MEF2C: variants seen among roughly 807,000 people sequenced by gnomAD.
The protein encoded by MEF2C is myocyte-specific enhancer factor 2C.
A neutral mutation model predicts 50.5 loss-of-function variants in MEF2C; 6 were observed. That is an observed-to-expected ratio of 0.12 (90% CI 0.07 to 0.23). The LOEUF (loss-of-function observed/expected upper bound fraction) is 0.23, where lower values mean the gene tolerates loss of function less well. MEF2C is among the 10% of genes least tolerant of loss of function. The pLI is 1.00. For missense variants in MEF2C, 276 were observed against 605.0 expected (o/e 0.46, Z 5.70); for synonymous variants, 183 against 228.0 (o/e 0.80, Z 1.78).
intron 5 of MEF2C, among the ~76,000 whole-genome samples, chr5:88,751,648 G>T (rs1772784400): frequency 6.6e-6 from 1 of 152,026 alleles, no homozygotes; most frequent in Admixed American, 6.6e-5. Flanking sequence ...GAATGAAAAA[G>T]ATAAACGGCA....
At chr5:88,822,318 C>G (rs1269004601) in intron 2 of MEF2C, among the ~76,000 whole-genome samples, 1 of 151,876 alleles carries the variant, frequency 6.6e-6, no homozygotes, top group African/African-American at 2.4e-5. Context: ...ATATTTCAGT[C>G]TTAATTTCAA....
intron 3 of MEF2C, chr5:88,772,440 C>T (rs936707788): frequency 6.6e-6 from 1 of 152,418 alleles, no homozygotes; most frequent in African/African-American, 2.4e-5. Context: ...GACCCTGGCC[C>T]ACTTTTCTCC....
intron 1 of MEF2C, 173 bp from the exon 2 acceptor site, chr5:88,824,103 G>C: frequency 1.1e-6 from 1 of 870,012 alleles, no homozygotes; most frequent in Non-Finnish European, 1.4e-6. Context: ...AGCAGATCAA[G>C]TAGTTTTATT....
At chr5:88,797,382 C>T (rs941090705) in intron 3 of MEF2C, among the ~76,000 whole-genome samples, 1 of 151,176 alleles carries the variant, frequency 6.6e-6, no homozygotes, top group Non-Finnish European at 1.5e-5. Context: ...TTATGTAATG[C>T]CCTTCTTGAG....
At chr5:88,777,904 T>C (rs897928410) in intron 3 of MEF2C, among the ~76,000 whole-genome samples, 14 of 133,374 alleles carry the variant, frequency 1.0e-4, no homozygotes, top group Admixed American at 2.9e-4. Context: ...CTTTTCTTTT[T>C]TTTTTTTTTT....
At chr5:88,747,945 G>T in intron 6 of MEF2C, 1 of 599,634 alleles carries the variant, frequency 1.7e-6, no homozygotes, top group Non-Finnish European at 2.1e-6. Flanking sequence ...TCCATGTCCA[G>T]CAAAATACTA....
chr5:88,729,735 ACAG>A (rs1044819201), intron 8 of MEF2C, among the ~76,000 whole-genome samples: 18 of 152,212 alleles, frequency 1.2e-4, no homozygotes, highest in Admixed American at 2.0e-4. Flanking sequence ...AGTTCTACAT[ACAG>A]CAGAGAGCAA....
At chr5:88,900,098 G>A (rs144873510) in intron 1 of MEF2C, among the ~76,000 whole-genome samples, 6 of 152,060 alleles carry the variant, frequency 3.9e-5, no homozygotes, top group Non-Finnish European at 2.9e-5. Flanking sequence ...AATTCAGAAT[G>A]TGGTAGATTT....
At chr5:88,745,919 G>A (rs966612184) in intron 6 of MEF2C, among the ~76,000 whole-genome samples, 2 of 152,156 alleles carry the variant, frequency 1.3e-5, no homozygotes, top group Non-Finnish European at 2.9e-5. Context: ...CTGTAGAAAG[G>A]GCATAATGTG....
chr5:88,780,786 G>T (rs1787588547), intron 3 of MEF2C: 1 of 985,298 alleles, frequency 1.0e-6, no homozygotes, highest in Non-Finnish European at 1.2e-6. Flanking sequence ...AGGGACACTT[G>T]TGTTATCCTT....
In MEF2C at chr5:88,761,190, A is replaced by G. The variant is rs1345329569; in HGVS notation, c.397T>C (p.Leu133=). Residue 133 remains leucine (L), a synonymous_variant, in exon 4 of 11, where the codon TTG becomes CTG. Transcript: ENST00000504921. The part of the protein sequence containing the change: ...DIDLMISRQR[L]CAVPPPNFEM... ...AGGGTGTTCTGAGTACTTACACACA[A>G]TCTTTGCCTGCTGATCATTAGATCA... 8 of 1,613,886 alleles carry G rather than the reference A, an allele frequency of 5.0e-6. No homozygotes were observed. In the African/African-American group the frequency reaches 6.7e-5, roughly 13 times the overall value.
rs567731345 is a variant in MEF2C, at chr5:88,839,762, T to C, written c.-142-15832A>G. On this transcript the variant is annotated intron_variant, in intron 1 of 10. Transcript: ENST00000504921. ...ACTTTCAAAATTATATAAGAGTATT[T>C]GTCTTTTGTATCGTATGAAATAGAA... 8 of 152,310 alleles carry C rather than the reference T, an allele frequency of 5.3e-5. No homozygotes were observed. In the East Asian group the frequency reaches 1.5e-3, roughly 29 times the overall value. The allele number at this position is 152,310 out of a possible 1,614,324, so 9.4% of individuals were successfully genotyped here. A position where few individuals can be genotyped will look rare whatever the true frequency, so the allele number is the denominator to read the frequency against.
chr5:88,771,574 A>G, intron 3 of MEF2C: 1 of 985,410 alleles, frequency 1.0e-6, no homozygotes, highest in African/African-American at 1.7e-5. Flanking sequence ...AGTTCTGTGA[A>G]AAATGGGCAT....
At chr5:88,730,823 C>T (rs1332773836) in intron 7 of MEF2C, among the ~76,000 whole-genome samples, 1 of 152,182 alleles carries the variant, frequency 6.6e-6, no homozygotes, top group African/African-American at 2.4e-5. Context: ...GACTGTTTTA[C>T]CCTGAAGCTT....
In MEF2C at chr5:88,717,364, C is replaced by T. The variant is rs1266072395; in HGVS notation, c.*5240G>A. 1 of 152,200 alleles carries T rather than the reference C, an allele frequency of 6.6e-6. No homozygotes were observed. The highest frequency in any genetic ancestry group is 2.4e-5 in the African/African-American group (1 of 41,438). The allele number at this position is 152,200 out of a possible 1,614,324, so 9.4% of individuals were successfully genotyped here. A position where few individuals can be genotyped will look rare whatever the true frequency, so the allele number is the denominator to read the frequency against. ...CTGGTCTGCTCTGCCCCAGGATGGC[C>T]AAAGTGGCTCCCTCATAGCACTTTG... is the stretch of plus-strand genomic sequence containing the variant. On this transcript the variant is annotated 3_prime_UTR_variant, in exon 11 of 11. Transcript: ENST00000504921.
intron 6 of MEF2C, chr5:88,742,928 T>C (rs1174057325): frequency 5.1e-6 from 5 of 978,344 alleles, no homozygotes; most frequent in South Asian, 9.5e-5. Flanking sequence ...TTGGTTTGGG[T>C]TAAAAATATC....
At chr5:88,835,118 C>A (rs1814556931) in intron 1 of MEF2C, among the ~76,000 whole-genome samples, 2 of 152,188 alleles carry the variant, frequency 1.3e-5, no homozygotes, top group African/African-American at 2.4e-5. Flanking sequence ...CACCTCTTTT[C>A]ATTTCACAAT....
At chr5:88,851,258 C>T (rs1197808529) in intron 1 of MEF2C, among the ~76,000 whole-genome samples, 2 of 145,278 alleles carry the variant, frequency 1.4e-5, no homozygotes, top group Non-Finnish European at 3.0e-5. Context: ...AAAAAGAATG[C>T]AGTATATAAT....
chr5:88,794,102 C>A (rs921405789), intron 3 of MEF2C, among the ~76,000 whole-genome samples: 3 of 152,202 alleles, frequency 2.0e-5, no homozygotes, highest in Admixed American at 6.5e-5. Flanking sequence ...CCGCAATAAA[C>A]ATACATGTGC....
Sources: gnomAD v4.1 joint callset for allele counts (sites outside exome capture counted in the v4.1 genomes callset) on GRCh38, gnomAD v4.1.1 for gene constraint, MANE v1.5 for transcripts, NCBI Gene and HGNC (gene_info 2026-07-23, HGNC 2026-07-21) for gene names.